Variants in ELMO1 observed in about 807,000 individuals in gnomAD.
The protein encoded by ELMO1 is engulfment and cell motility 1, also known as engulfment and cell motility protein 1.
ELMO1 carries 26 observed loss-of-function variants against 98.9 expected under a neutral mutation model. That is an observed-to-expected ratio of 0.26 (90% CI 0.19 to 0.36). The LOEUF is 0.36. Ranked by LOEUF, ELMO1 falls within the 10% of genes least tolerant of loss-of-function variation. The pLI is 1.00. For synonymous variants in ELMO1, 346 were observed against 346.0 expected (o/e 1.00, Z 0.00); for missense variants, 627 against 935.2 (o/e 0.67, Z 4.30).
chr7:36,966,971 A>G lies in ELMO1; in HGVS notation c.1437+46328T>C, dbSNP rs149298272. Among the ~76,000 whole-genome samples the G allele has an allele frequency of 4.2e-3, 647 of 152,372 alleles. 11 individuals are homozygous for G. The highest frequency in any genetic ancestry group is 0.015 in the African/African-American group (617 of 41,584). ...GGATGTTTAGAAATAGACATGGAGAATAAGAAAGCAACAGTGCCAAGGTAT... is the reference window on the plus strand; with the variant it reads ...GGATGTTTAGAAATAGACATGGAGAGTAAGAAAGCAACAGTGCCAAGGTAT... On this transcript the variant is annotated intron_variant, in intron 16 of 21. Coordinates refer to ENST00000310758, the MANE Select transcript of ELMO1 (RefSeq NM_014800.11).
chr7:37,288,327 C>A (rs890804161), intron 4 of ELMO1, among the ~76,000 whole-genome samples: 1 of 152,088 alleles, frequency 6.6e-6, no homozygotes, highest in Non-Finnish European at 1.5e-5. Flanking sequence ...TGGGTTCAAG[C>A]GATTCTCCTG....
intron 13 of ELMO1, among the ~76,000 whole-genome samples, chr7:37,160,639 G>C (rs1426615021): frequency 6.6e-6 from 1 of 152,108 alleles, no homozygotes; most frequent in Non-Finnish European, 1.5e-5. Flanking sequence ...TAAGTCAAAG[G>C]ACAGCTCAAA....
intron 16 of ELMO1, among the ~76,000 whole-genome samples, chr7:36,899,131 A>C (rs780169750): frequency 4.6e-5 from 7 of 152,114 alleles, no homozygotes; most frequent in Non-Finnish European, 7.4e-5. Flanking sequence ...TAGTTGGAGA[A>C]ATGAGGGAGC....
chr7:37,095,389 T>A (rs747329588), intron 15 of ELMO1, among the ~76,000 whole-genome samples: 4 of 152,168 alleles, frequency 2.6e-5, no homozygotes, highest in Non-Finnish European at 5.9e-5. Flanking sequence ...AGCGAGTTAG[T>A]GTAATTAGGG....
At chr7:37,183,409 C>A (rs1446898004) in intron 13 of ELMO1, among the ~76,000 whole-genome samples, 1 of 152,108 alleles carries the variant, frequency 6.6e-6, no homozygotes, top group African/African-American at 2.4e-5. Context: ...AAGGATGTGA[C>A]AATGAGGAGG....
intron 13 of ELMO1, among the ~76,000 whole-genome samples, chr7:37,197,779 G>T (rs1157296908): frequency 6.6e-6 from 1 of 152,054 alleles, no homozygotes; most frequent in Non-Finnish European, 1.5e-5. Context: ...GCAAAATCAC[G>T]AGTACAAGCA....
chr7:37,169,073 G>A (rs927205771), intron 13 of ELMO1, among the ~76,000 whole-genome samples: 8 of 152,196 alleles, frequency 5.3e-5, no homozygotes, highest in East Asian at 3.9e-4. Context: ...CCTCGCTGCC[G>A]ACTTGCAGTT....
At chr7:37,187,669 G>C (rs1033723701) in intron 13 of ELMO1, among the ~76,000 whole-genome samples, 5 of 152,054 alleles carry the variant, frequency 3.3e-5, no homozygotes, top group African/African-American at 1.2e-4. Flanking sequence ...TGATAGTAAA[G>C]AAAAATGACC....
At chr7:36,970,698 T>C (rs75964345) in intron 16 of ELMO1, among the ~76,000 whole-genome samples, 2,668 of 152,292 alleles carry the variant, frequency 0.018, 31 homozygotes, top group Non-Finnish European at 0.022. Context: ...ACCACTCTTC[T>C]GAAATAAGAG....
chr7:36,919,656 A>C (rs1014576522), intron 16 of ELMO1, among the ~76,000 whole-genome samples: 1 of 152,104 alleles, frequency 6.6e-6, no homozygotes, highest in African/African-American at 2.4e-5. Flanking sequence ...GTTGCTGCAC[A>C]CTCAGTATCA....
chr7:37,271,971 C>G lies in ELMO1; in HGVS notation c.193-89G>C, dbSNP rs1056072955. 7 of 1,084,008 alleles carry G rather than the reference C, an allele frequency of 6.5e-6. No homozygotes were observed. The African/African-American group carries it at 7.9e-5, about 12-fold the overall frequency. 67.1% of individuals were successfully genotyped at this position (1,084,008 alleles called of 1,614,324 possible). A position where few individuals can be genotyped will look rare whatever the true frequency, so the allele number is the denominator to read the frequency against. On this transcript the variant is annotated intron_variant, in intron 4 of 21. Coordinates refer to ENST00000310758, the MANE Select transcript of ELMO1 (RefSeq NM_014800.11). ...GGCAAATATAATCTAGCAGATATAA[C>G]AGGCATTCAGTTTATTCTCACTTGA...
chr7:37,310,253 G>A (rs778568926), intron 4 of ELMO1, among the ~76,000 whole-genome samples: 5 of 152,180 alleles, frequency 3.3e-5, no homozygotes, highest in East Asian at 1.9e-4. Flanking sequence ...TGCTAGAGTA[G>A]GTCTCAGTAT....
At chr7:36,957,300 G>A (rs1788539629) in intron 16 of ELMO1, among the ~76,000 whole-genome samples, 1 of 132,462 alleles carries the variant, frequency 7.5e-6, no homozygotes. Flanking sequence ...CAGCTCTGCA[G>A]CCCCTACTGG....
chr7:37,443,067 C>T (rs1287080991), intron 1 of ELMO1, among the ~76,000 whole-genome samples: 3 of 152,146 alleles, frequency 2.0e-5, no homozygotes, highest in Non-Finnish European at 2.9e-5. Flanking sequence ...ACAGCATCCC[C>T]AGAGGAAGGG....
Position 36,972,657 on chromosome 7 carries a change from C to G in ELMO1, c.1437+40642G>C, listed in dbSNP as rs141015232. Among the ~76,000 whole-genome samples the G allele has an allele frequency of 1.4e-4, 22 of 152,328 alleles. No individual in the cohort carries two copies. The East Asian group carries it at 2.7e-3, about 19-fold the overall frequency. On this transcript the variant is annotated intron_variant, in intron 16 of 21. Coordinates refer to ENST00000310758, the MANE Select transcript of ELMO1 (RefSeq NM_014800.11). Reference sequence around the variant, plus strand: ...CCTTTTTATAAGGACACTAGTCACACTGGATTAGGGTCCATCTGATGTCCT... The same window carrying G: ...CCTTTTTATAAGGACACTAGTCACAGTGGATTAGGGTCCATCTGATGTCCT...
intron 13 of ELMO1, among the ~76,000 whole-genome samples, chr7:37,185,297 A>G (rs1791132941): frequency 6.6e-6 from 1 of 152,198 alleles, no homozygotes; most frequent in Non-Finnish European, 1.5e-5. Flanking sequence ...TTTAATAGGG[A>G]GGTCTAAGTA....
chr7:37,176,766 ATTTTC>A (rs1288321403), intron 13 of ELMO1, among the ~76,000 whole-genome samples: 1 of 152,194 alleles, frequency 6.6e-6, no homozygotes, highest in Non-Finnish European at 1.5e-5. Context: ...CATGGAACAC[ATTTTC>A]TTTTATTTCT....
At chr7:37,020,095 G>A (rs918095587) in intron 15 of ELMO1, among the ~76,000 whole-genome samples, 4 of 152,168 alleles carry the variant, frequency 2.6e-5, no homozygotes, top group African/African-American at 4.8e-5. Flanking sequence ...AAAAATGAGC[G>A]TAGGGAATGG....
intron 16 of ELMO1, among the ~76,000 whole-genome samples, chr7:36,916,937 G>A (rs17170782): frequency 0.25 from 37,999 of 152,122 alleles, 5,017 homozygotes; most frequent in South Asian, 0.44. Flanking sequence ...AGCTTAATGA[G>A]GGCCAAAGCT....
Sources: allele counts gnomAD v4.1 joint callset (sites outside exome capture counted in the v4.1 genomes callset), GRCh38; gene constraint gnomAD v4.1.1; transcripts MANE v1.5; gene names NCBI Gene and HGNC (gene_info 2026-07-23, HGNC 2026-07-21).